Variants in GPR135 observed in about 807,000 individuals in gnomAD.
The protein encoded by GPR135 is G-protein coupled receptor 135.
Under a neutral mutation model 15.0 loss-of-function variants are expected in GPR135, and 17 were observed. The ratio of observed to expected loss-of-function variants is 1.13; its 90% confidence interval spans 0.78 to 1.70. GPR135 has a LOEUF of 1.70. GPR135 is among the 40% of genes most tolerant of loss of function. GPR135 has a pLI of 0.00. For missense variants in GPR135, 776 were observed against 727.0 expected (o/e 1.07, Z -0.78); for synonymous variants, 368 against 349.4 (o/e 1.05, Z -0.59).
At position 59,463,588 on chromosome 14, in the gene GPR135, T is replaced by G; in HGVS notation, c.*154A>C. The G allele has an allele frequency of 1.4e-6, 1 of 699,120 alleles. No individual in the cohort carries two copies. The highest frequency in any genetic ancestry group is 2.3e-6 in the Non-Finnish European group (1 of 437,152). The allele number at this position is 699,120 out of a possible 1,614,324, so 43.3% of individuals were successfully genotyped here. A position where few individuals can be genotyped will look rare whatever the true frequency, so the allele number is the denominator to read the frequency against. On this transcript the variant is annotated 3_prime_UTR_variant, in exon 1 of 1. Coordinates refer to ENST00000395116, the MANE Select transcript of GPR135 (RefSeq NM_022571.6). ...TTTGGCACTTTTGAAGAAGGGACAT[T>G]GTCTTTTATGTTGTTTGGGGAAAGT...
chr14:59,457,959 T>C (rs1476791454), downstream of GPR135, among the ~76,000 whole-genome samples: 1 of 152,208 alleles, frequency 6.6e-6, no homozygotes, highest in Non-Finnish European at 1.5e-5. Flanking sequence ...AAAAGACAGC[T>C]AAGAAAAACC....
At chr14:59,457,582 CCAGTTCAAATTTA>C (rs1888701677), downstream of GPR135, among the ~76,000 whole-genome samples, 1 of 152,020 alleles carries the variant, frequency 6.6e-6, no homozygotes, top group Non-Finnish European at 1.5e-5. Flanking sequence ...CTTTCTTCTG[CCAGTTCAAATTTA>C]CTGTTGAGCC....
rs775260161 is a variant in GPR135 at position 59,464,678 on chromosome 14, G to C, written c.549C>G (p.Phe183Leu). ...PAAAAGPWRG[F>L]CAASRFFSSC... ...AGCTGAAGAAGCGGCTGGCGGCGCA[G>C]AAGCCGCGCCAGGGCCCCGCGGCGG... The change falls in exon 1 of 1, where the codon TTC (phenylalanine) becomes TTG (leucine). Residue 183 changes from phenylalanine to leucine, a missense_variant. Phe to Leu is a conservative substitution (Grantham distance 22, BLOSUM62 0). Transcript: ENST00000395116. The C allele has an allele frequency of 1.5e-5, 24 of 1,584,936 alleles. No homozygotes were observed. The African/African-American group carries it at 3.1e-4, about 20-fold the overall frequency.
chr14:59,463,916 C>A lies in GPR135; in HGVS notation c.1311G>T (p.Arg437=), dbSNP rs1046708632. The A allele has an allele frequency of 1.2e-5, 19 of 1,614,060 alleles. No homozygotes were observed. Among genetic ancestry groups the A allele is most frequent in the Non-Finnish European group, 1.5e-5 (18 of 1,179,940 alleles). The change falls in exon 1 of 1, where the codon CGG becomes CGT. Residue 437 remains arginine (R), a synonymous_variant. Transcript: ENST00000395116. The stretch of plus-strand genomic sequence containing the variant: ...AGGACATCCTGTTGCAGGCCCCCAG[C>A]CGGTTGGCATAGCGGTTTCGAAGGC... ...RSRLRNRYAN[R]LGACNRMSSS...
rs1004095381 is a variant in GPR135, at chr14:59,463,503, A to C, written c.*239T>G. On this transcript the variant is annotated 3_prime_UTR_variant, in exon 1 of 1. Transcript: ENST00000395116. ...TATTTTTGTCATTTTTGGCACTTAC[A>C]GTTCACAATGCTTGGTTATGTGGTT... 3.9e-6 allele frequency: 2 copies of C among 516,620 alleles called. No homozygotes were observed. The highest frequency in any genetic ancestry group is 6.8e-6 in the Non-Finnish European group (2 of 295,718). The allele number at this position is 516,620 out of a possible 1,614,324, so 32.0% of individuals were successfully genotyped here. A position where few individuals can be genotyped will look rare whatever the true frequency, so the allele number is the denominator to read the frequency against.
chr14:59,454,690 T>G (rs992849014), intron 6 of GPR135, among the ~76,000 whole-genome samples: 2 of 152,094 alleles, frequency 1.3e-5, no homozygotes, highest in Non-Finnish European at 2.9e-5. Context: ...CTGCTTTAAA[T>G]AGGAAGGTTT....
chr14:59,455,129 T>C (rs1401717727), intron 6 of GPR135, among the ~76,000 whole-genome samples: 1 of 151,018 alleles, frequency 6.6e-6, no homozygotes, highest in Admixed American at 6.6e-5. Flanking sequence ...AGAATTTAGA[T>C]GTAAATAGAG....
rs1888869332 is a variant in GPR135 at position 59,461,839 on chromosome 14, C to A, written c.*1903G>T. The A allele has an allele frequency of 6.6e-6, 1 of 152,142 alleles. No homozygotes were observed. The highest frequency in any genetic ancestry group is 2.1e-4 in the South Asian group (1 of 4,832). 9.4% of individuals were successfully genotyped at this position (152,142 alleles called of 1,614,324 possible). A position where few individuals can be genotyped will look rare whatever the true frequency, so the allele number is the denominator to read the frequency against. On this transcript the variant is annotated 3_prime_UTR_variant, in exon 1 of 1. Coordinates refer to ENST00000395116, the MANE Select transcript of GPR135 (RefSeq NM_022571.6). ...AAAAGTGACTCGGTGCCAAAAAATA[C>A]ACAATTTTTTGCCTTTAACAGGCAA...
intron 6 of GPR135, among the ~76,000 whole-genome samples, chr14:59,452,950 A>G (rs1239661543): frequency 6.6e-6 from 1 of 152,186 alleles, no homozygotes; most frequent in African/African-American, 2.4e-5. Flanking sequence ...CCTAAAATGC[A>G]TATTACTAAG....
chr14:59,462,165 A>G lies in GPR135; in HGVS notation c.*1577T>C, dbSNP rs1888882711. On this transcript the variant is annotated 3_prime_UTR_variant, in exon 1 of 1. Coordinates refer to ENST00000395116, the MANE Select transcript of GPR135 (RefSeq NM_022571.6). The stretch of plus-strand genomic sequence containing the variant: ...TATTTAAATACTTTACAGGAAGAAA[A>G]TGCTGGCTATTTCACATTGAAATCT... 2 of 152,200 alleles carry G rather than the reference A, an allele frequency of 1.3e-5. No individual in the cohort carries two copies. Among genetic ancestry groups the G allele is most frequent in the Admixed American group, 1.3e-4 (2 of 15,288 alleles). The allele number at this position is 152,200 out of a possible 1,614,324, so 9.4% of individuals were successfully genotyped here.
At chr14:59,452,854 G>T (rs1194764430) in intron 6 of GPR135, among the ~76,000 whole-genome samples, 5 of 152,144 alleles carry the variant, frequency 3.3e-5, no homozygotes, top group Non-Finnish European at 7.4e-5. Context: ...TAAATAAGCA[G>T]ATAAATAAGC....
Position 59,465,134 on chromosome 14 carries a change from GC to G in GPR135, c.92del (p.Gly31AlafsTer25). On this transcript the variant is annotated frameshift_variant, in exon 1 of 1. Coordinates refer to ENST00000395116, the MANE Select transcript of GPR135 (RefSeq NM_022571.6). LOFTEE classifies it high-confidence loss of function. ...SGAPSAAGPP[G>X]GTSSAATAAV... ...CCGCCGTGGCCGCGGAGGAAGTCCC[GC>G]CAGGTGGGCCGGCCGCGGAGGGGGC... The G allele has an allele frequency of 7.3e-7, 1 of 1,366,098 alleles. No individual in the cohort carries two copies. The highest frequency in any genetic ancestry group is 9.4e-7 in the Non-Finnish European group (1 of 1,059,836). The allele number at this position is 1,366,098 out of a possible 1,614,324, so 84.6% of individuals were successfully genotyped here.
chr14:59,462,486 C>A lies in GPR135; in HGVS notation c.*1256G>T, dbSNP rs1594894285. ...CTTGAAGTTCTTCTCCAACTTTATG[C>A]CTGTGTTTTAATACCGTTACATATA... is the stretch of plus-strand genomic sequence containing the variant. On this transcript the variant is annotated 3_prime_UTR_variant, in exon 1 of 1. Transcript: ENST00000395116. 6.6e-6 allele frequency: 1 copy of A among 152,150 alleles called. No individual in the cohort carries two copies. Among genetic ancestry groups the A allele is most frequent in the East Asian group, 1.9e-4 (1 of 5,202 alleles). 9.4% of individuals were successfully genotyped at this position (152,150 alleles called of 1,614,324 possible). A position where few individuals can be genotyped will look rare whatever the true frequency, so the allele number is the denominator to read the frequency against.
chr14:59,455,069 C>T (rs570049722), intron 6 of GPR135, among the ~76,000 whole-genome samples: 61 of 151,268 alleles, frequency 4.0e-4, no homozygotes, highest in African/African-American at 1.3e-3. Context: ...CACTGCACTC[C>T]GGCCTGGTGA....
rs1029278138 is a variant in GPR135 at position 59,465,162 on chromosome 14, C to T, written c.65G>A (p.Gly22Asp). The stretch of plus-strand genomic sequence containing the variant: ...AGGTGGGCCGGCCGCGGAGGGGGCG[C>T]CGGAGTGCTGGCTGCCCAGTAAGGC... ...SMALLGSQHS[G>D]APSAAGPPGG... The change falls in exon 1 of 1, where the codon GGC becomes GAC. Residue 22 changes from glycine (G) to aspartate (D), a missense_variant. Transcript: ENST00000395116. 1.6e-4 allele frequency: 210 copies of T among 1,330,860 alleles called. No individual in the cohort carries two copies. The highest frequency in any genetic ancestry group is 1.8e-4 in the Non-Finnish European group (190 of 1,044,114). The allele number at this position is 1,330,860 out of a possible 1,614,324, so 82.4% of individuals were successfully genotyped here.
intron 6 of GPR135, among the ~76,000 whole-genome samples, chr14:59,454,083 G>C (rs1044513570): frequency 6.6e-6 from 1 of 152,178 alleles, no homozygotes; most frequent in African/African-American, 2.4e-5. Flanking sequence ...TGTGTCTTGA[G>C]GGTGTTGCCA....
chr14:59,463,935 C>A lies in GPR135; in HGVS notation c.1292G>T (p.Arg431Leu). 6.2e-7 allele frequency: 1 copy of A among 1,614,016 alleles called. No homozygotes were observed. The highest frequency in any genetic ancestry group is 8.5e-7 in the Non-Finnish European group (1 of 1,179,952). ...GLQARSRSRLRNRYANRLGAC... is the reference protein window; with the variant it reads ...GLQARSRSRLLNRYANRLGAC... ...CCCCAGCCGGTTGGCATAGCGGTTT[C>A]GAAGGCGACTGCGGCTTCTGGCTTG... The change falls in exon 1 of 1, where the codon CGA becomes CTA. Residue 431 changes from arginine to leucine, a missense_variant. Physicochemically the swap from Arg to Leu is moderately radical, Grantham distance 102. Transcript: ENST00000395116.
At position 59,461,031 on chromosome 14, in the gene GPR135, T is replaced by C. The variant is rs968589111; in HGVS notation, c.*2711A>G. ...CTTTGATAGCCTCTTCTGAAAGTGCTACACCTTTTCTTTTCCACAAGTAAA... is the reference window on the plus strand; with the variant it reads ...CTTTGATAGCCTCTTCTGAAAGTGCCACACCTTTTCTTTTCCACAAGTAAA... On this transcript the variant is annotated 3_prime_UTR_variant, in exon 1 of 1. Transcript: ENST00000395116. The C allele has an allele frequency of 6.6e-6, 1 of 152,260 alleles. No homozygotes were observed. The allele number at this position is 152,260 out of a possible 1,614,324, so 9.4% of individuals were successfully genotyped here.
At chr14:59,456,828 CTT>C (rs1888670622), downstream of GPR135, among the ~76,000 whole-genome samples, 1 of 151,834 alleles carries the variant, frequency 6.6e-6, no homozygotes, top group African/African-American at 2.4e-5. Context: ...AAAAGAATAA[CTT>C]TGAATATATC....
Sources: gnomAD v4.1 joint callset for allele counts (sites outside exome capture counted in the v4.1 genomes callset) on GRCh38, gnomAD v4.1.1 for gene constraint, MANE v1.5 for transcripts, NCBI Gene and HGNC (gene_info 2026-07-23, HGNC 2026-07-21) for gene names.